PRKAR2A: variants seen among roughly 807,000 people sequenced by gnomAD.
PRKAR2A encodes the protein protein kinase cAMP-dependent type II regulatory subunit alpha, also known as cAMP-dependent protein kinase type II-alpha regulatory subunit.
A neutral mutation model predicts 51.9 loss-of-function variants in PRKAR2A; 29 were observed. The ratio of observed to expected loss-of-function variants is 0.56; its 90% CI spans 0.42 to 0.76. The LOEUF (loss-of-function observed/expected upper bound fraction) is 0.76, where lower values mean the gene tolerates loss of function less well. Among genes scored for constraint, PRKAR2A ranks in the 30% least tolerant of loss-of-function variants. PRKAR2A has a pLI of 0.00. For synonymous variants in PRKAR2A, 178 were observed against 186.2 expected, an observed-to-expected ratio of 0.96 and a Z score of 0.36; for missense variants, 445 against 512.1, an observed-to-expected ratio of 0.87 and a Z score of 1.26.
intron 1 of PRKAR2A, among the ~76,000 whole-genome samples, chr3:48,825,028 C>CTTTTTTTTTTTTT (rs1168503342): frequency 6.7e-5 from 5 of 74,686 alleles, no homozygotes; most frequent in Non-Finnish European, 1.2e-4. Flanking sequence ...ATTTTCTTTT[C>CTTTTTTTTTTTTT]TTTTTTTTTT....
chr3:48,809,060 T>C (rs986168356), intron 1 of PRKAR2A, among the ~76,000 whole-genome samples: 28 of 149,678 alleles, frequency 1.9e-4, no homozygotes, highest in East Asian at 6.0e-4. Context: ...GGATTACAGG[T>C]GTGAACCACC....
intron 1 of PRKAR2A, among the ~76,000 whole-genome samples, chr3:48,833,227 G>C (rs2083224235): frequency 6.6e-6 from 1 of 152,006 alleles, no homozygotes; most frequent in Admixed American, 6.6e-5. Flanking sequence ...TTGAAAAGAT[G>C]GGGGGTCTCG....
At chr3:48,844,024 G>A (rs1277034204) in intron 1 of PRKAR2A, among the ~76,000 whole-genome samples, 6 of 149,530 alleles carry the variant, frequency 4.0e-5, no homozygotes, top group Non-Finnish European at 7.5e-5. Flanking sequence ...CACAGCAAAA[G>A]AAACTACCAT....
chr3:48,811,434 C>A (rs1290985709), intron 1 of PRKAR2A, among the ~76,000 whole-genome samples: 1 of 152,176 alleles, frequency 6.6e-6, no homozygotes, highest in East Asian at 1.9e-4. Flanking sequence ...GCAATCATGG[C>A]ACTGCACTCT....
intron 1 of PRKAR2A, among the ~76,000 whole-genome samples, chr3:48,822,627 T>C (rs1224716909): frequency 6.6e-6 from 1 of 151,894 alleles, no homozygotes; most frequent in African/African-American, 2.4e-5. Context: ...AGACTAGTAA[T>C]CAAATGAAAA....
intron 1 of PRKAR2A, among the ~76,000 whole-genome samples, chr3:48,838,434 C>T (rs1382567456): frequency 6.6e-6 from 1 of 151,620 alleles, no homozygotes; most frequent in Non-Finnish European, 1.5e-5. Context: ...TGGTGAAACC[C>T]CATCTCTACT....
At chr3:48,823,949 G>A (rs2083013985) in intron 1 of PRKAR2A, among the ~76,000 whole-genome samples, 1 of 152,174 alleles carries the variant, frequency 6.6e-6, no homozygotes, top group Non-Finnish European at 1.5e-5. Context: ...GGCCAGGGCC[G>A]GGTATGGTGG....
intron 1 of PRKAR2A, among the ~76,000 whole-genome samples, chr3:48,834,308 T>A (rs1367455040): frequency 6.6e-6 from 1 of 151,980 alleles, no homozygotes; most frequent in East Asian, 1.9e-4. Flanking sequence ...TCCTGTGAGG[T>A]AGAGGCATAA....
intron 10 of PRKAR2A, 24 bp from the exon 11 acceptor site, chr3:48,751,742 G>A: frequency 6.3e-7 from 1 of 1,591,406 alleles, no homozygotes; most frequent in Non-Finnish European, 8.6e-7. Context: ...AAGAGGTGAG[G>A]GAGAGAATGA....
At chr3:48,771,851 G>C (rs1442713597) in intron 6 of PRKAR2A, among the ~76,000 whole-genome samples, 1 of 152,002 alleles carries the variant, frequency 6.6e-6, no homozygotes, top group African/African-American at 2.4e-5. Flanking sequence ...ATAAATTTCA[G>C]ATAGCTTTTG....
At position 48,748,532 on chromosome 3, in the gene PRKAR2A, C is replaced by G. The variant is rs1252675997; in HGVS notation, c.*3053G>C. 6.6e-6 allele frequency: 1 copy of G among 152,334 alleles called. No individual in the cohort carries two copies. The highest frequency in any genetic ancestry group is 2.4e-5 in the African/African-American group (1 of 41,424). 9.4% of individuals were successfully genotyped at this position (152,334 alleles called of 1,614,324 possible). A position where few individuals can be genotyped will look rare whatever the true frequency, so the allele number is the denominator to read the frequency against. ...GGACTCTGTGAAGGCAAAGACTAGA[C>G]TGGGATGTGTGCGAGAGTGGGATAA... On this transcript the variant is annotated 3_prime_UTR_variant, in exon 11 of 11. Coordinates refer to ENST00000265563, the MANE Select transcript of PRKAR2A (RefSeq NM_004157.4).
intron 5 of PRKAR2A, among the ~76,000 whole-genome samples, chr3:48,781,018 T>A (rs1166355442): frequency 6.6e-6 from 1 of 152,138 alleles, no homozygotes; most frequent in Non-Finnish European, 1.5e-5. Context: ...TCACCCAGGC[T>A]GGAGTGTAAT....
In PRKAR2A at chr3:48,837,207, C is replaced by G. The variant is rs1006707666; in HGVS notation, c.262+10128G>C. Among the ~76,000 whole-genome samples the G allele has an allele frequency of 3.9e-5, 6 of 151,968 alleles. No homozygotes were observed. In the South Asian group the frequency reaches 1.2e-3, roughly 32 times the overall value. ...TATGGTGGCGCATGAGCCCAGGAGC[C>G]CAGCTATGGTGGCATGAGCCCAGGA... On this transcript the variant is annotated intron_variant, in intron 1 of 10. Coordinates refer to ENST00000265563, the MANE Select transcript of PRKAR2A (RefSeq NM_004157.4).
At chr3:48,771,927 C>T (rs1194981867) in intron 6 of PRKAR2A, among the ~76,000 whole-genome samples, 2 of 151,582 alleles carry the variant, frequency 1.3e-5, no homozygotes, top group African/African-American at 2.4e-5. Flanking sequence ...TTTAGCTGTT[C>T]GTTCTTTTGT....
intron 1 of PRKAR2A, among the ~76,000 whole-genome samples, chr3:48,832,483 T>C (rs2083206255): frequency 6.6e-6 from 1 of 152,102 alleles, no homozygotes; most frequent in Non-Finnish European, 1.5e-5. Context: ...ATTTTTTCTT[T>C]TAATTCCAAA....
At chr3:48,839,745 C>T (rs534818909) in intron 1 of PRKAR2A, among the ~76,000 whole-genome samples, 1 of 152,174 alleles carries the variant, frequency 6.6e-6, no homozygotes, top group East Asian at 1.9e-4. Flanking sequence ...ACATATGATA[C>T]TTCTTGTTCT....
At chr3:48,779,371 T>C (rs962852626) in intron 5 of PRKAR2A, among the ~76,000 whole-genome samples, 2 of 152,234 alleles carry the variant, frequency 1.3e-5, no homozygotes, top group South Asian at 2.1e-4. Flanking sequence ...CATGTACAGG[T>C]GGATGCTTAT....
chr3:48,829,921 G>T (rs2083159691), intron 1 of PRKAR2A, among the ~76,000 whole-genome samples: 1 of 138,888 alleles, frequency 7.2e-6, no homozygotes, highest in Admixed American at 7.4e-5. Context: ...ACACAAGCCG[G>T]GCACAGTGGC....
chr3:48,800,662 G>A (rs1036920363), intron 2 of PRKAR2A, among the ~76,000 whole-genome samples: 4 of 136,896 alleles, frequency 2.9e-5, no homozygotes, highest in Admixed American at 8.1e-5. Flanking sequence ...AAATTGGAAG[G>A]CATGGCTTTT....
Sources: allele counts gnomAD v4.1 joint callset (sites outside exome capture counted in the v4.1 genomes callset), GRCh38; gene constraint gnomAD v4.1.1; transcripts MANE v1.5; gene names NCBI Gene and HGNC (gene_info 2026-07-23, HGNC 2026-07-21).